Variants in ABCA13 observed in about 807,000 individuals in gnomAD.
ABCA13 encodes ATP-binding cassette sub-family A member 13.
ABCA13 carries 476 observed loss-of-function variants against 478.7 expected under a neutral mutation model. The observed-to-expected ratio is 0.99, with a 90% CI of 0.92 to 1.07. The LOEUF (loss-of-function observed/expected upper bound fraction) is 1.07. Ranked by LOEUF, ABCA13 falls within the 50% of genes least tolerant of loss-of-function variation. ABCA13 has a pLI of 0.00. For synonymous variants in ABCA13, 2,252 were observed against 2,158.9 expected, an observed-to-expected ratio of 1.04 and a Z score of -1.20; for missense variants, 6,060 against 5,910.6, an observed-to-expected ratio of 1.03 and a Z score of -0.83.
At chr7:48,334,631 G>A (rs908810906) in intron 27 of ABCA13, among the ~76,000 whole-genome samples, 6 of 152,260 alleles carry the variant, frequency 3.9e-5, no homozygotes, top group South Asian at 2.1e-4. Context: ...CAGCACGCCC[G>A]GCCTCTATCC....
At chr7:48,451,993 C>T (rs749405762) in intron 42 of ABCA13, among the ~76,000 whole-genome samples, 29 of 152,236 alleles carry the variant, frequency 1.9e-4, no homozygotes, top group East Asian at 5.8e-4. Context: ...ATTATTCATG[C>T]GAATACTTTC....
intron 29 of ABCA13, among the ~76,000 whole-genome samples, chr7:48,343,090 T>C (rs1807493146): frequency 6.6e-6 from 1 of 152,040 alleles, no homozygotes; most frequent in South Asian, 2.1e-4. Flanking sequence ...TTTTAGTCTA[T>C]TTTTCTCTTG....
intron 35 of ABCA13, among the ~76,000 whole-genome samples, chr7:48,377,548 G>C (rs1296767254): frequency 6.6e-6 from 1 of 152,142 alleles, no homozygotes; most frequent in African/African-American, 2.4e-5. Flanking sequence ...GAGAGCTCAT[G>C]AATCATTTAG....
chr7:48,646,210 T>C lies in ABCA13; in HGVS notation c.*698T>C, dbSNP rs1437434864. The stretch of plus-strand genomic sequence containing the variant: ...AGTTCTACCAGAATCTCCCAGGTTA[T>C]AATTTATGAGGGTAGAGAAATAAAA... On this transcript the variant is annotated 3_prime_UTR_variant, in exon 62 of 62. Coordinates refer to ENST00000435803, the MANE Select transcript of ABCA13 (RefSeq NM_152701.5). The C allele has an allele frequency of 6.6e-6, 1 of 152,230 alleles. No homozygotes were observed. Among genetic ancestry groups the C allele is most frequent in the Non-Finnish European group, 1.5e-5 (1 of 68,046 alleles). 9.4% of individuals were successfully genotyped at this position (152,230 alleles called of 1,614,324 possible). A position where few individuals can be genotyped will look rare whatever the true frequency, so the allele number is the denominator to read the frequency against.
At position 48,367,894 on chromosome 7, in the gene ABCA13, A is replaced by G. The variant is rs1191080299; in HGVS notation, c.10789A>G (p.Ile3597Val). 6.4e-7 allele frequency: 1 copy of G among 1,571,888 alleles called. No homozygotes were observed. The highest frequency in any genetic ancestry group is 8.6e-7 in the Non-Finnish European group (1 of 1,157,246). The change falls in exon 32 of 62, where the codon ATA (isoleucine) becomes GTA (valine). Residue 3597 changes from isoleucine to valine, a missense_variant. Physicochemically the swap from Ile to Val is conservative, Grantham distance 29. Coordinates refer to ENST00000435803, the MANE Select transcript of ABCA13 (RefSeq NM_152701.5). ...MVRKLVYEQE[I>V]QIEEYMRMMG... The stretch of plus-strand genomic sequence containing the variant: ...CAGAAAGTTGGTGTATGAGCAGGAG[A>G]TACAGATAGAAGAGGTAAATATCCT...
At chr7:48,294,975 A>G (rs1397413804) in intron 20 of ABCA13, among the ~76,000 whole-genome samples, 3 of 152,166 alleles carry the variant, frequency 2.0e-5, no homozygotes, top group African/African-American at 7.2e-5. Context: ...GGCTGATTCT[A>G]TATCTTGGCT....
chr7:48,519,871 C>G (rs1832412990), intron 52 of ABCA13, among the ~76,000 whole-genome samples, 170 bp from the exon 53 acceptor site: 1 of 152,126 alleles, frequency 6.6e-6, no homozygotes, highest in Admixed American at 6.5e-5. Context: ...ATTAATATCT[C>G]TAAACAAAAT....
At chr7:48,300,453 A>G (rs188396734) in intron 23 of ABCA13, among the ~76,000 whole-genome samples, 4 of 152,254 alleles carry the variant, frequency 2.6e-5, no homozygotes, top group Admixed American at 6.5e-5. Context: ...CAGTGTTAAG[A>G]GACCAGAAAG....
chr7:48,368,722 C>T (rs1462275983), intron 32 of ABCA13, among the ~76,000 whole-genome samples: 2 of 138,400 alleles, frequency 1.4e-5, no homozygotes, highest in Non-Finnish European at 1.6e-5. Flanking sequence ...TATACACATA[C>T]ACACACACAT....
intron 27 of ABCA13, among the ~76,000 whole-genome samples, chr7:48,320,059 G>GA (rs897528666): frequency 6.6e-6 from 1 of 151,782 alleles, no homozygotes; most frequent in Non-Finnish European, 1.5e-5. Flanking sequence ...TCATGAACTG[G>GA]AAAAAAAATG....
chr7:48,449,845 C>G (rs554384555), intron 42 of ABCA13, among the ~76,000 whole-genome samples: 1 of 152,172 alleles, frequency 6.6e-6, no homozygotes, highest in Admixed American at 6.5e-5. Context: ...GTCCCATAAT[C>G]CATGTCTTTG....
chr7:48,325,750 A>C (rs1454183847), intron 27 of ABCA13, among the ~76,000 whole-genome samples: 1 of 152,196 alleles, frequency 6.6e-6, no homozygotes, highest in Non-Finnish European at 1.5e-5. Context: ...TAAAGAATGC[A>C]GCAATGGCGG....
At chr7:48,336,885 C>T (rs1462285388) in intron 28 of ABCA13, among the ~76,000 whole-genome samples, 1 of 152,184 alleles carries the variant, frequency 6.6e-6, no homozygotes, top group Non-Finnish European at 1.5e-5. Flanking sequence ...TAGATAAGGT[C>T]TCTGCTGCAA....
At chr7:48,293,207 C>CAT (rs1798834447) in intron 20 of ABCA13, among the ~76,000 whole-genome samples, 1 of 145,094 alleles carries the variant, frequency 6.9e-6, no homozygotes, top group Non-Finnish European at 1.5e-5. Flanking sequence ...CCCCCCGCCA[C>CAT]ACACACACTA....
rs1248651649 is a variant in ABCA13, at chr7:48,274,873, C to T, written c.5207C>T (p.Pro1736Leu). Residue 1736 changes from proline to leucine, a missense_variant, in exon 17 of 62, where the codon CCT (proline) becomes CTT (leucine). By Grantham distance (98) the Pro-to-Leu change is moderately conservative. Coordinates refer to ENST00000435803, the MANE Select transcript of ABCA13 (RefSeq NM_152701.5). ...NHLLQLSRLF[P>L]KDVVDAVIDV... ...CTGCTGCAGCTCTCACGCCTGTTTC[C>T]TAAAGATGTTGTGGATGCTGTGATA... The T allele has an allele frequency of 3.7e-6, 6 of 1,613,798 alleles. No individual in the cohort carries two copies. The highest frequency in any genetic ancestry group is 2.7e-5 in the African/African-American group (2 of 74,904).
intron 29 of ABCA13, among the ~76,000 whole-genome samples, chr7:48,348,400 G>A (rs1203092780): frequency 6.6e-6 from 1 of 152,060 alleles, no homozygotes; most frequent in East Asian, 1.9e-4. Flanking sequence ...ACCTTAGAAA[G>A]TGTTGACTAT....
chr7:48,644,938 A>C (rs527957051), intron 61 of ABCA13, among the ~76,000 whole-genome samples, 184 bp downstream of exon 61: 9 of 152,296 alleles, frequency 5.9e-5, no homozygotes, highest in Admixed American at 3.3e-4. Flanking sequence ...ATACCCTTCT[A>C]CTTAAGATAG....
chr7:48,426,037 G>A (rs13236501), intron 41 of ABCA13, among the ~76,000 whole-genome samples: 41,834 of 152,102 alleles, frequency 0.28, 5,910 homozygotes, highest in East Asian at 0.37. Flanking sequence ...CACCGCGCCC[G>A]GCCTCTTATT....
At position 48,229,954 on chromosome 7, in the gene ABCA13, C is replaced by T. The variant is rs761332043; in HGVS notation, c.762C>T (p.Thr254=). ...TFLQQHGVAV[T]EPVYHLSMQN... is the part of the protein sequence containing the mutation. Reference sequence around the variant, plus strand: ...TGCAGCAACATGGAGTAGCAGTCACCGGTATGGGTGCCTTGTAGCTATTGC... The same window carrying T: ...TGCAGCAACATGGAGTAGCAGTCACTGGTATGGGTGCCTTGTAGCTATTGC... Residue 254 remains threonine, a splice_region_variant and synonymous_variant, in exon 7 of 62, where the codon ACC becomes ACT. Coordinates refer to ENST00000435803, the MANE Select transcript of ABCA13 (RefSeq NM_152701.5). The T allele has an allele frequency of 2.3e-5, 37 of 1,613,066 alleles. No homozygotes were observed. The highest frequency in any genetic ancestry group is 2.0e-4 in the East Asian group (9 of 44,872).
Sources: gnomAD v4.1 joint callset for allele counts (sites outside exome capture counted in the v4.1 genomes callset) on GRCh38, gnomAD v4.1.1 for gene constraint, MANE v1.5 for transcripts, NCBI Gene and HGNC (gene_info 2026-07-23, HGNC 2026-07-21) for gene names.